Variants in ABHD2 observed in about 807,000 individuals in gnomAD.
ABHD2 encodes abhydrolase domain containing 2, acylglycerol lipase, also known as monoacylglycerol lipase ABHD2.
In ABHD2, 20 loss-of-function variants were observed where a neutral mutation model predicts 48.1. The observed-to-expected ratio is 0.42, with a 90% CI of 0.29 to 0.60. The LOEUF (loss-of-function observed/expected upper bound fraction) is 0.60, where lower values mean the gene tolerates loss of function less well. Among genes scored for constraint, ABHD2 ranks in the 20% least tolerant of loss-of-function variants. ABHD2 has a pLI of 0.24. For synonymous variants in ABHD2, 209 were observed against 214.2 expected (o/e 0.98, Z 0.21); for missense variants, 405 against 550.9 (o/e 0.74, Z 2.65).
intron 3 of ABHD2, among the ~76,000 whole-genome samples, chr15:89,127,706 C>CATACATATATATATATATATATATAT (rs58331064): frequency 2.3e-5 from 3 of 129,916 alleles, no homozygotes; most frequent in African/African-American, 1.1e-4. Flanking sequence ...TATATATATA[C>CATACATATATATATATATATATATAT]ATATATATAT....
chr15:89,063,535 C>T, the ABHD2 span, among the ~76,000 whole-genome samples: 1 of 151,736 alleles, frequency 6.6e-6, no homozygotes, highest in Non-Finnish European at 1.5e-5. Context: ...CTCACACATG[C>T]ACACACACAC....
the ABHD2 span, among the ~76,000 whole-genome samples, chr15:89,062,066 G>T: frequency 6.6e-6 from 1 of 152,020 alleles, no homozygotes; most frequent in African/African-American, 2.4e-5. Context: ...GAGCAATAAG[G>T]TTTAAGCTCA....
intron 1 of ABHD2, among the ~76,000 whole-genome samples, chr15:89,093,013 C>G (rs1901655706): frequency 1.3e-5 from 2 of 151,956 alleles, no homozygotes; most frequent in East Asian, 3.9e-4. Context: ...AGAGCTGGGG[C>G]ACTGGAGAGT....
chr15:89,139,701 G>C (rs1220578716), intron 3 of ABHD2, among the ~76,000 whole-genome samples: 1 of 152,032 alleles, frequency 6.6e-6, no homozygotes, highest in Non-Finnish European at 1.5e-5. Context: ...TCAGAGTAAA[G>C]GTCACCTTTT....
intron 3 of ABHD2, among the ~76,000 whole-genome samples, chr15:89,140,056 G>A (rs1015869262): frequency 6.6e-6 from 1 of 152,220 alleles, no homozygotes; most frequent in African/African-American, 2.4e-5. Context: ...AGTGGCTGAA[G>A]AGTCCCTTTG....
the ABHD2 span, among the ~76,000 whole-genome samples, chr15:89,081,724 GC>G: frequency 6.6e-6 from 1 of 152,034 alleles, no homozygotes; most frequent in Non-Finnish European, 1.5e-5. Context: ...GGTGGCGCAC[GC>G]GTGTAATCCC....
chr15:89,121,003 A>G (rs1336508820), intron 3 of ABHD2, among the ~76,000 whole-genome samples: 1 of 152,224 alleles, frequency 6.6e-6, no homozygotes, highest in Non-Finnish European at 1.5e-5. Context: ...GAACGTTGCC[A>G]TGAACATTCA....
the ABHD2 span, among the ~76,000 whole-genome samples, chr15:89,069,565 C>T: frequency 6.6e-6 from 1 of 151,780 alleles, no homozygotes; most frequent in Non-Finnish European, 1.5e-5. Context: ...TATAATTTTG[C>T]CACTCCAGGT....
At chr15:89,141,511 T>A (rs1221174348) in intron 3 of ABHD2, among the ~76,000 whole-genome samples, 1 of 152,136 alleles carries the variant, frequency 6.6e-6, no homozygotes, top group African/African-American at 2.4e-5. Context: ...CGTGCGCCTG[T>A]AACCCCAGCT....
chr15:89,147,512 C>A (rs979293887), intron 3 of ABHD2, among the ~76,000 whole-genome samples: 2 of 151,510 alleles, frequency 1.3e-5, no homozygotes, highest in Non-Finnish European at 2.9e-5. Context: ...CGCCACCACG[C>A]CCGGCTAATT....
In ABHD2 at chr15:89,176,147, C is replaced by T; in HGVS notation, c.722+152C>T. 3 of 792,140 alleles carry T rather than the reference C, an allele frequency of 3.8e-6. No homozygotes were observed. The highest frequency in any genetic ancestry group is 3.8e-6 in the Non-Finnish European group (2 of 525,374). The allele number at this position is 792,140 out of a possible 1,614,324, so 49.1% of individuals were successfully genotyped here. A position where few individuals can be genotyped will look rare whatever the true frequency, so the allele number is the denominator to read the frequency against. The stretch of plus-strand genomic sequence containing the variant: ...TCTTGGACTCACCTTGTTTTGTCTG[C>T]ATATCATACATTGGAGATGCCCCAT... On this transcript the variant is annotated intron_variant, in intron 6 of 10. Coordinates refer to ENST00000352732, the MANE Select transcript of ABHD2 (RefSeq NM_152924.5). This position sits in a 1 kb window ranked among gnomAD's most constrained non-coding sequence, Gnocchi z 4.5.
intron 5 of ABHD2, among the ~76,000 whole-genome samples, chr15:89,162,309 C>G (rs1385922855): frequency 5.3e-5 from 8 of 152,102 alleles, no homozygotes; most frequent in African/African-American, 1.4e-4. Context: ...TTCTTTTGTT[C>G]AATTTAAGAT....
rs1055699215 is a variant in ABHD2, at chr15:89,175,318, C to T, written c.539-494C>T. Among the ~76,000 whole-genome samples, 11 of 152,100 alleles carry T rather than the reference C, an allele frequency of 7.2e-5. No homozygotes were observed. The highest frequency in any genetic ancestry group is 2.4e-4 in the African/African-American group (10 of 41,422). Reference sequence around the variant, plus strand: ...TGGCTCACTGTAGCCTCTGCCTCCCCGGCTCAAGGGATCCTCTTGCCTCAG... The same window carrying T: ...TGGCTCACTGTAGCCTCTGCCTCCCTGGCTCAAGGGATCCTCTTGCCTCAG... On this transcript the variant is annotated intron_variant, in intron 5 of 10. Transcript: ENST00000352732. The surrounding 1 kb of genome is among the most constrained non-coding windows in gnomAD (Gnocchi z 5.7).
chr15:89,184,130 G>A lies in ABHD2; in HGVS notation c.723-1294G>A, dbSNP rs2051166326. Reference sequence around the variant, plus strand: ...ACCTTGAGCTTAGCCTGTGTTTGATGAGCACATTGCAGACCATTAAATTCA... The same window carrying A: ...ACCTTGAGCTTAGCCTGTGTTTGATAAGCACATTGCAGACCATTAAATTCA... On this transcript the variant is annotated intron_variant, in intron 6 of 10. Transcript: ENST00000352732. This position sits in a 1 kb window ranked among gnomAD's most constrained non-coding sequence, Gnocchi z 5.1. Among the ~76,000 whole-genome samples, 6 of 152,122 alleles carry A rather than the reference G, an allele frequency of 3.9e-5. No homozygotes were observed. Among genetic ancestry groups the A allele is most frequent in the Admixed American group, 3.9e-4 (6 of 15,280 alleles).
At chr15:89,045,391 C>T in the ABHD2 span, among the ~76,000 whole-genome samples, 1 of 151,754 alleles carries the variant, frequency 6.6e-6, no homozygotes, top group Non-Finnish European at 1.5e-5. Flanking sequence ...GATGCAGGCT[C>T]TTTTTTGGTT....
intron 5 of ABHD2, among the ~76,000 whole-genome samples, chr15:89,159,274 G>A (rs1253703341): frequency 1.3e-5 from 2 of 152,036 alleles, no homozygotes; most frequent in Non-Finnish European, 2.9e-5. Flanking sequence ...CTACTTGGGA[G>A]CCTGAGGCAG....
In ABHD2 at chr15:89,106,739, A is replaced by C. The variant is rs1022679153; in HGVS notation, c.-106-6986A>C. On this transcript the variant is annotated intron_variant, in intron 1 of 10. Coordinates refer to ENST00000352732, the MANE Select transcript of ABHD2 (RefSeq NM_152924.5). This position sits in a 1 kb window ranked among gnomAD's most constrained non-coding sequence, Gnocchi z 4.2. ...TCCTTACTTTCTCTCCAAGGGTGTC[A>C]TGTTGCCCACATTTAAGGTTGACCA... is the stretch of plus-strand genomic sequence containing the variant. Among the ~76,000 whole-genome samples, 2 of 152,148 alleles carry C rather than the reference A, an allele frequency of 1.3e-5. No homozygotes were observed. Among genetic ancestry groups the C allele is most frequent in the African/African-American group, 2.4e-5 (1 of 41,424 alleles).
chr15:89,041,008 C>A, the ABHD2 span, among the ~76,000 whole-genome samples: 1 of 152,248 alleles, frequency 6.6e-6, no homozygotes, highest in African/African-American at 2.4e-5. Context: ...AGGGCTCTAG[C>A]AAGAAGATGC....
In ABHD2 at chr15:89,097,812, A is replaced by G. The variant is rs1185592299; in HGVS notation, c.-107+9249A>G. Among the ~76,000 whole-genome samples, 1 of 152,078 alleles carries G rather than the reference A, an allele frequency of 6.6e-6. No individual in the cohort carries two copies. Among genetic ancestry groups the G allele is most frequent in the South Asian group, 2.1e-4 (1 of 4,828 alleles). The stretch of plus-strand genomic sequence containing the variant: ...TCTATATTCTTTTTCTTTCTTTTTT[A>G]TATAACTGGTAGCATATTGTACATG... On this transcript the variant is annotated intron_variant, in intron 1 of 10. Coordinates refer to ENST00000352732, the MANE Select transcript of ABHD2 (RefSeq NM_152924.5). The surrounding 1 kb of genome is among the most constrained non-coding windows in gnomAD (Gnocchi z 4.2).
Sources: gnomAD v4.1 joint callset for allele counts (sites outside exome capture counted in the v4.1 genomes callset) on GRCh38, gnomAD v4.1.1 for gene constraint, Gnocchi (gnomAD v3.1) non-coding constraint, MANE v1.5 for transcripts, NCBI Gene and HGNC (gene_info 2026-07-23, HGNC 2026-07-21) for gene names.